PHF2: variants seen among roughly 807,000 people sequenced by gnomAD.
PHF2 encodes the protein lysine-specific demethylase PHF2.
Under a neutral mutation model 120.5 loss-of-function variants are expected in PHF2, and 27 were observed. The ratio of observed to expected loss-of-function variants is 0.22; its 90% CI spans 0.17 to 0.31. The LOEUF (loss-of-function observed/expected upper bound fraction) is 0.31, where lower values mean the gene tolerates loss of function less well. Ranked by LOEUF, PHF2 falls within the 10% of genes least tolerant of loss-of-function variation. The pLI, the probability that PHF2 is intolerant of heterozygous loss-of-function variation, is 1.00. For synonymous variants in PHF2, 568 were observed against 592.5 expected (o/e 0.96, Z 0.60); for missense variants, 1,024 against 1,434.8 (o/e 0.71, Z 4.63).
chr9:93,670,243 C>T (rs1254317273), intron 17 of PHF2, among the ~76,000 whole-genome samples: 2 of 152,220 alleles, frequency 1.3e-5, no homozygotes, highest in Non-Finnish European at 2.9e-5. Context: ...TGGCTAGATG[C>T]AGTGACAGGT....
chr9:93,622,535 G>A (rs1003202543), intron 1 of PHF2, among the ~76,000 whole-genome samples: 2 of 152,136 alleles, frequency 1.3e-5, no homozygotes, highest in African/African-American at 4.8e-5. Context: ...TGAGAGCTCG[G>A]CTGGCCATCA....
At position 93,672,060 on chromosome 9, in the gene PHF2, G is replaced by A. The variant is rs575582927; in HGVS notation, c.2349-1525G>A. Among the ~76,000 whole-genome samples the A allele has an allele frequency of 2.8e-3, 363 of 131,348 alleles. 3 individuals are homozygous for A. Among genetic ancestry groups the A allele is most frequent in the Non-Finnish European group, 3.0e-3 (183 of 61,872 alleles). The allele number at this position is 131,348 out of a possible 152,430, so 86.2% of individuals were successfully genotyped here. ...GGTGTAGATGCAGGTGTGGGTGTGGGAGTAGGTACAGGTGTAGATGCAGGT... is the reference window on the plus strand; with the variant it reads ...GGTGTAGATGCAGGTGTGGGTGTGGAAGTAGGTACAGGTGTAGATGCAGGT... On this transcript the variant is annotated intron_variant, in intron 17 of 21. Transcript: ENST00000359246.
chr9:93,649,379 T>TTCC (rs1401941128), intron 5 of PHF2, among the ~76,000 whole-genome samples, 167 bp downstream of exon 5: 2 of 141,982 alleles, frequency 1.4e-5, no homozygotes, highest in African/African-American at 5.3e-5. Context: ...TTTTCCTTTT[T>TTCC]TTTTTTTTTT....
chr9:93,672,696 A>G (rs1826828318), intron 17 of PHF2: 1 of 978,362 alleles, frequency 1.0e-6, no homozygotes. Context: ...ACAGGTGTAG[A>G]TGCAGGTATG....
chr9:93,660,022 A>G (rs1826531398), intron 11 of PHF2, among the ~76,000 whole-genome samples, 170 bp from the exon 12 acceptor site: 1 of 152,010 alleles, frequency 6.6e-6, no homozygotes, highest in South Asian at 2.1e-4. Flanking sequence ...ACACAATAGC[A>G]TGGGTTGGGT....
At chr9:93,635,582 G>A (rs1385100256) in intron 2 of PHF2, among the ~76,000 whole-genome samples, 12 of 152,222 alleles carry the variant, frequency 7.9e-5, no homozygotes, top group Non-Finnish European at 1.3e-4. Flanking sequence ...GGGACTTAGC[G>A]GGGTGGAGAG....
intron 10 of PHF2, among the ~76,000 whole-genome samples, chr9:93,658,998 A>G (rs149394550): frequency 2.9e-3 from 440 of 152,272 alleles, no homozygotes; most frequent in African/African-American, 0.01. Context: ...TTGAGGGAGG[A>G]GGACCCTCTC....
rs987213321 is a variant in PHF2, at chr9:93,675,666, C to T, written c.2723-14C>T. 6.2e-7 allele frequency: 1 copy of T among 1,604,904 alleles called. No homozygotes were observed. Among genetic ancestry groups the T allele is most frequent in the African/African-American group, 1.3e-5 (1 of 74,882 alleles). On this transcript the variant is annotated splice_polypyrimidine_tract_variant and intron_variant, in intron 19 of 21. Transcript: ENST00000359246. ...GGCCTACAGCTTGAGGGGGCTGGCC[C>T]TTCTTTTCCACAGCAAGGGTCGGCC... is the stretch of plus-strand genomic sequence containing the variant.
At chr9:93,654,675 T>G (rs1359475775) in intron 7 of PHF2, 100 bp downstream of exon 7, 1 of 1,157,136 alleles carries the variant, frequency 8.6e-7, no homozygotes, top group Non-Finnish European at 1.3e-6. Context: ...ATGGGGTCTC[T>G]TCGGCATCCC....
At chr9:93,639,456 T>C (rs1826141281) in intron 3 of PHF2, among the ~76,000 whole-genome samples, 1 of 152,222 alleles carries the variant, frequency 6.6e-6, no homozygotes, top group South Asian at 2.1e-4. Flanking sequence ...TTAGTTCTAA[T>C]AGTTTTTTTT....
At chr9:93,579,636 A>C (rs1310045609) in intron 1 of PHF2, among the ~76,000 whole-genome samples, 1 of 152,252 alleles carries the variant, frequency 6.6e-6, no homozygotes, top group Non-Finnish European at 1.5e-5. Context: ...ATAAAACATT[A>C]CTGTAACTTA....
chr9:93,609,390 A>G lies in PHF2; in HGVS notation c.99-20580A>G, dbSNP rs115164594. On this transcript the variant is annotated intron_variant, in intron 1 of 21. Coordinates refer to ENST00000359246, the MANE Select transcript of PHF2 (RefSeq NM_005392.4). ...CTCTCCCTTTCTTTCTACAGATTCTAATTTCTGATCTATATCATTTTCCTT... is the reference window on the plus strand; with the variant it reads ...CTCTCCCTTTCTTTCTACAGATTCTGATTTCTGATCTATATCATTTTCCTT... Among the ~76,000 whole-genome samples, 332 of 152,242 alleles carry G rather than the reference A, an allele frequency of 2.2e-3. 2 individuals are homozygous for G. The highest frequency in any genetic ancestry group is 7.8e-3 in the African/African-American group (322 of 41,542).
At chr9:93,641,598 A>G (rs1826172849) in intron 3 of PHF2, among the ~76,000 whole-genome samples, 1 of 152,246 alleles carries the variant, frequency 6.6e-6, no homozygotes, top group African/African-American at 2.4e-5. Context: ...AGCTGAAACC[A>G]GAAGAACAAT....
Position 93,679,182 on chromosome 9 carries a change from CTGGATGTTTT to C in PHF2, c.*1509_*1518del, listed in dbSNP as rs899452920. ...TGAGCTTTGTTTATATACCCATTAC[CTGGATGTTTT>C]TGTCCACTGGGAGAGGCAGCTTGGT... On this transcript the variant is annotated 3_prime_UTR_variant, in exon 22 of 22. Transcript: ENST00000359246. The C allele has an allele frequency of 2.2e-6, 1 of 453,896 alleles. No individual in the cohort carries two copies. Among genetic ancestry groups the C allele is most frequent in the Non-Finnish European group, 4.4e-6 (1 of 226,374 alleles). The allele number at this position is 453,896 out of a possible 1,614,324, so 28.1% of individuals were successfully genotyped here.
At position 93,676,737 on chromosome 9, in the gene PHF2, C is replaced by A. The variant is rs10992856; in HGVS notation, c.2976C>A (p.Thr992=). 348 of 565,916 alleles carry A rather than the reference C, an allele frequency of 6.1e-4. No individual in the cohort carries two copies. Among genetic ancestry groups the A allele is most frequent in the Middle Eastern group, 1.4e-3 (4 of 2,778 alleles). 35.1% of individuals were successfully genotyped at this position (565,916 alleles called of 1,614,324 possible). A position where few individuals can be genotyped will look rare whatever the true frequency, so the allele number is the denominator to read the frequency against. Residue 992 remains threonine (T), a synonymous_variant, in exon 21 of 22, where the codon ACC becomes ACA. Coordinates refer to ENST00000359246, the MANE Select transcript of PHF2 (RefSeq NM_005392.4). The part of the protein sequence containing the change: ...TPASTTPAST[T]PASTSTASSQ... The stretch of plus-strand genomic sequence containing the variant: ...CCTCTACCACCCCGGCCTCCACCAC[C>A]CCGGCCTCCACCAGCACGGCCAGCA...
chr9:93,619,638 G>A (rs561832109), intron 1 of PHF2, among the ~76,000 whole-genome samples: 4 of 152,040 alleles, frequency 2.6e-5, no homozygotes, highest in Admixed American at 2.0e-4. Context: ...GGTGGCTTCC[G>A]GTAGCCCGTG....
chr9:93,628,896 C>A (rs530464988), intron 1 of PHF2, among the ~76,000 whole-genome samples: 1 of 152,080 alleles, frequency 6.6e-6, no homozygotes, highest in Admixed American at 6.5e-5. Context: ...CCCATTCTCA[C>A]GTCACTTTTT....
At chr9:93,630,303 G>C (rs935436927) in intron 2 of PHF2, among the ~76,000 whole-genome samples, 3 of 152,268 alleles carry the variant, frequency 2.0e-5, no homozygotes, top group Admixed American at 6.5e-5. Flanking sequence ...AAGACTCAAA[G>C]GGCCTTCTGA....
Position 93,665,617 on chromosome 9 carries a change from G to A in PHF2, c.1938-69G>A, listed in dbSNP as rs908785740. On this transcript the variant is annotated intron_variant, in intron 14 of 21. Coordinates refer to ENST00000359246, the MANE Select transcript of PHF2 (RefSeq NM_005392.4). ...CCGCGGCCCTGGCAGAGGACCCCTC[G>A]GGAGGTCCTACCTGTCCGCTGGCTG... The A allele has an allele frequency of 5.5e-5, 85 of 1,545,262 alleles. No homozygotes were observed. In the Middle Eastern group the frequency reaches 1.7e-3, roughly 31 times the overall value.
Sources: gnomAD v4.1 joint callset for allele counts (sites outside exome capture counted in the v4.1 genomes callset) on GRCh38, gnomAD v4.1.1 for gene constraint, MANE v1.5 for transcripts, NCBI Gene and HGNC (gene_info 2026-07-23, HGNC 2026-07-21) for gene names.